Variants in ATP10B observed in about 807,000 individuals in gnomAD.
ATP10B encodes phospholipid-transporting ATPase VB.
In ATP10B, 122 loss-of-function variants were observed where a neutral mutation model predicts 141.2. The ratio of observed to expected loss-of-function variants is 0.86; its 90% CI spans 0.75 to 1.00. The LOEUF is 1.00. ATP10B is among the 50% of genes least tolerant of loss of function. The pLI, the probability that ATP10B is intolerant of heterozygous loss-of-function variation, is 0.00. For missense variants in ATP10B, 1,876 were observed against 1,825.3 expected (o/e 1.03, Z -0.51); for synonymous variants, 685 against 692.0 (o/e 0.99, Z 0.16).
chr5:160,800,961 T>G (rs1337553966), intron 1 of ATP10B, among the ~76,000 whole-genome samples: 1 of 152,226 alleles, frequency 6.6e-6, no homozygotes. Flanking sequence ...AGGTTTGTAA[T>G]GTACTGTTTG....
chr5:160,813,954 A>G (rs1478686224), intron 1 of ATP10B, among the ~76,000 whole-genome samples: 7 of 152,214 alleles, frequency 4.6e-5, no homozygotes, highest in East Asian at 1.9e-4. Flanking sequence ...AACAAACAGA[A>G]AGGACACCCA....
intron 9 of ATP10B, among the ~76,000 whole-genome samples, chr5:160,643,325 T>C (rs934711424): frequency 5.3e-5 from 8 of 152,092 alleles, no homozygotes; most frequent in African/African-American, 1.9e-4. Flanking sequence ...AGTGTCCCAG[T>C]GAGTGGAAGA....
chr5:160,853,979 A>G (rs1429190987), upstream of ATP10B, among the ~76,000 whole-genome samples: 2 of 152,130 alleles, frequency 1.3e-5, no homozygotes, highest in Non-Finnish European at 2.9e-5. Flanking sequence ...CTTATTGACC[A>G]CATCATGCTT....
In ATP10B at chr5:160,620,373, A is replaced by T; in HGVS notation, c.2390T>A (p.Met797Lys). The change falls in exon 15 of 26, where the codon ATG becomes AAG. Residue 797 changes from methionine to lysine, a missense_variant. Met to Lys is a moderately conservative substitution (Grantham distance 95). Transcript: ENST00000327245. ...GCAGGCTGGGTCTTCCAGCAGGTCC[A>T]TGATGACCGAGTCAGCACCCTTGGT... ...VYTKGADSVI[M>K]DLLEDPACVP... is the part of the protein sequence containing the mutation. 1 of 1,612,932 alleles carries T rather than the reference A, an allele frequency of 6.2e-7. No individual in the cohort carries two copies.
intron 2 of ATP10B, among the ~76,000 whole-genome samples, chr5:160,753,127 TC>T (rs1490645813): frequency 1.3e-5 from 2 of 152,200 alleles, no homozygotes; most frequent in Non-Finnish European, 1.5e-5. Context: ...AATCATTGAT[TC>T]AAAAAGTTTG....
intron 1 of ATP10B, among the ~76,000 whole-genome samples, chr5:160,827,623 T>C (rs181932614): frequency 5.6e-4 from 85 of 152,248 alleles, no homozygotes; most frequent in Non-Finnish European, 3.7e-4. Flanking sequence ...CAATGGCTTT[T>C]GGGGACTTAG....
Position 160,689,819 on chromosome 5 carries a change from C to G in ATP10B, c.-204-876G>C, listed in dbSNP as rs536137862. The stretch of plus-strand genomic sequence containing the variant: ...TAGATTCAATGCTATACCCATCAAG[C>G]TACCATTGACTTTCTTCACAGAATT... On this transcript the variant is annotated intron_variant, in intron 3 of 25. Transcript: ENST00000327245. 2.0e-5 allele frequency among the ~76,000 whole-genome samples: 3 copies of G among 152,274 alleles called. No individual in the cohort carries two copies. The South Asian group carries it at 6.2e-4, about 32-fold the overall frequency.
At chr5:160,901,069 G>A in the ATP10B span, among the ~76,000 whole-genome samples, 124 of 152,026 alleles carry the variant, frequency 8.2e-4, no homozygotes, top group South Asian at 0.019. Flanking sequence ...GCAAAACTCC[G>A]TTCTCAGCTC....
At chr5:160,814,610 A>G (rs1773452862) in intron 1 of ATP10B, among the ~76,000 whole-genome samples, 1 of 151,730 alleles carries the variant, frequency 6.6e-6, no homozygotes, top group African/African-American at 2.4e-5. Flanking sequence ...GCAGGCCAAC[A>G]TTCAAATTCA....
chr5:160,582,860 T>G (rs1309083008), intron 24 of ATP10B, among the ~76,000 whole-genome samples: 1 of 152,240 alleles, frequency 6.6e-6, no homozygotes, highest in African/African-American at 2.4e-5. Context: ...TTCTTCCACT[T>G]GATCGATTCA....
At chr5:160,684,337 C>G (rs1763614270) in intron 6 of ATP10B, among the ~76,000 whole-genome samples, 1 of 152,220 alleles carries the variant, frequency 6.6e-6, no homozygotes, top group South Asian at 2.1e-4. Flanking sequence ...AGGAATTGTT[C>G]AAATTTTAGG....
chr5:160,884,470 CTTT>C, the ATP10B span, among the ~76,000 whole-genome samples: 1 of 151,952 alleles, frequency 6.6e-6, no homozygotes, highest in Admixed American at 6.6e-5. Flanking sequence ...GATAATTTTT[CTTT>C]TTAAGTTTCC....
At chr5:160,843,805 T>C (rs576366512) in intron 1 of ATP10B, among the ~76,000 whole-genome samples, 1 of 152,102 alleles carries the variant, frequency 6.6e-6, no homozygotes, top group Admixed American at 6.5e-5. Context: ...AATGCAGGGG[T>C]GTGATGGGCA....
intron 1 of ATP10B, among the ~76,000 whole-genome samples, chr5:160,842,378 G>A (rs987548846): frequency 6.6e-6 from 1 of 151,816 alleles, no homozygotes; most frequent in Non-Finnish European, 1.5e-5. Context: ...TAGAAAAGAA[G>A]AAAGGCTAAA....
At chr5:160,849,618 T>TACATACACAC (rs1554125249) in intron 1 of ATP10B, among the ~76,000 whole-genome samples, 9 of 148,238 alleles carry the variant, frequency 6.1e-5, no homozygotes, top group African/African-American at 2.2e-4. Context: ...TACTGGCAAT[T>TACATACACAC]ACACACACAC....
At chr5:160,889,243 C>T in the ATP10B span, among the ~76,000 whole-genome samples, 3 of 152,152 alleles carry the variant, frequency 2.0e-5, no homozygotes, top group Non-Finnish European at 2.9e-5. Context: ...AGATGTTCCC[C>T]TTACCCTTTG....
At chr5:160,661,303 A>G (rs1761891809) in intron 7 of ATP10B, among the ~76,000 whole-genome samples, 1 of 152,198 alleles carries the variant, frequency 6.6e-6, no homozygotes, top group Non-Finnish European at 1.5e-5. Flanking sequence ...TAAATGGGGC[A>G]CTTACAGAAT....
At chr5:160,694,718 C>T (rs1764267499) in intron 3 of ATP10B, among the ~76,000 whole-genome samples, 1 of 152,224 alleles carries the variant, frequency 6.6e-6, no homozygotes, top group South Asian at 2.1e-4. Context: ...GTCATTCATT[C>T]AATCAACAAA....
intron 1 of ATP10B, among the ~76,000 whole-genome samples, chr5:160,804,313 A>G (rs1581563894): frequency 1.3e-5 from 2 of 152,310 alleles, no homozygotes; most frequent in South Asian, 2.1e-4. Context: ...TATGTGATAA[A>G]TAGATGAACT....
Sources: gnomAD v4.1 joint callset for allele counts (sites outside exome capture counted in the v4.1 genomes callset) on GRCh38, gnomAD v4.1.1 for gene constraint, MANE v1.5 for transcripts, NCBI Gene and HGNC (gene_info 2026-07-23, HGNC 2026-07-21) for gene names.